GABBR2: variants seen among roughly 807,000 people sequenced by gnomAD.
GABBR2 encodes the protein G-protein coupled receptor 51.
Under a neutral mutation model 105.6 loss-of-function variants are expected in GABBR2, and 23 were observed. The observed-to-expected ratio is 0.22, with a 90% CI of 0.16 to 0.31. The LOEUF (loss-of-function observed/expected upper bound fraction) is 0.31. Among genes scored for constraint, GABBR2 ranks in the 10% least tolerant of loss-of-function variants. GABBR2 has a pLI of 1.00. For synonymous variants in GABBR2, 478 were observed against 499.7 expected (o/e 0.96, Z 0.58); for missense variants, 734 against 1,245.5 (o/e 0.59, Z 6.18).
intron 2 of GABBR2, among the ~76,000 whole-genome samples, chr9:98,559,113 GTTTA>G (rs1446124774): frequency 6.6e-6 from 1 of 151,892 alleles, no homozygotes; most frequent in Non-Finnish European, 1.5e-5. Flanking sequence ...GTAATTATAT[GTTTA>G]ATTAACTAAT....
chr9:98,639,592 G>A (rs73504537), intron 1 of GABBR2, among the ~76,000 whole-genome samples: 13,680 of 144,568 alleles, frequency 0.095, 959 homozygotes, highest in African/African-American at 0.2. Flanking sequence ...TCTCACACAC[G>A]CATAGACAAA....
At chr9:98,522,232 GA>G (rs1792925028) in intron 3 of GABBR2, among the ~76,000 whole-genome samples, 1 of 151,890 alleles carries the variant, frequency 6.6e-6, no homozygotes, top group Non-Finnish European at 1.5e-5. Context: ...AATGACCAGA[GA>G]GAAAACAAAA....
chr9:98,682,614 G>C (rs1830565187), intron 1 of GABBR2, among the ~76,000 whole-genome samples: 1 of 152,022 alleles, frequency 6.6e-6, no homozygotes, highest in Admixed American at 6.6e-5. Context: ...GACCTCAGGT[G>C]ATCCACCCAC....
chr9:98,487,843 C>T (rs1368818710), intron 4 of GABBR2, among the ~76,000 whole-genome samples: 1 of 152,020 alleles, frequency 6.6e-6, no homozygotes, highest in Admixed American at 6.5e-5. Context: ...CGTTATGTCA[C>T]GTGGTAAAGG....
intron 13 of GABBR2, among the ~76,000 whole-genome samples, chr9:98,350,231 C>G (rs1831374670): frequency 1.4e-5 from 2 of 147,454 alleles, no homozygotes; most frequent in Admixed American, 1.3e-4. Context: ...ATTTTTTTAG[C>G]CTCTATTTCA....
chr9:98,475,411 T>C (rs1433351694), intron 5 of GABBR2, among the ~76,000 whole-genome samples: 1 of 152,082 alleles, frequency 6.6e-6, no homozygotes, highest in Admixed American at 6.5e-5. Flanking sequence ...GACTAGACTT[T>C]TGAATAAAAG....
intron 15 of GABBR2, among the ~76,000 whole-genome samples, chr9:98,303,903 A>G (rs1389916474): frequency 1.3e-5 from 2 of 152,228 alleles, no homozygotes; most frequent in East Asian, 3.8e-4. Context: ...AGCAGCTTAA[A>G]ACAACACATG....
At chr9:98,405,189 C>T (rs1832468339) in intron 8 of GABBR2, among the ~76,000 whole-genome samples, 1 of 152,070 alleles carries the variant, frequency 6.6e-6, no homozygotes, top group African/African-American at 2.4e-5. Flanking sequence ...ATTGAAACTG[C>T]CTATTGGGCA....
chr9:98,631,587 TG>T (rs1354117767), intron 1 of GABBR2, among the ~76,000 whole-genome samples: 1 of 152,248 alleles, frequency 6.6e-6, no homozygotes, highest in Non-Finnish European at 1.5e-5. Context: ...GACAATACTA[TG>T]ATTCATACTT....
chr9:98,649,726 A>G (rs966175271), intron 1 of GABBR2, among the ~76,000 whole-genome samples: 3 of 152,226 alleles, frequency 2.0e-5, no homozygotes, highest in Admixed American at 2.0e-4. Context: ...AAATAGGTAT[A>G]ATGAATGGTA....
rs944442180 is a variant in GABBR2, at chr9:98,454,902, A to C, written c.1000-685T>G. ...CAAGAACTGGGGCAAGAGGCTCCCT[A>C]GACCCTGGAAGTGGCTCCAGCTTAT... On this transcript the variant is annotated intron_variant, in intron 6 of 18. Coordinates refer to ENST00000259455, the MANE Select transcript of GABBR2 (RefSeq NM_005458.8). This position sits in a 1 kb window ranked among gnomAD's most constrained non-coding sequence, Gnocchi z 4.6. Among the ~76,000 whole-genome samples the C allele has an allele frequency of 2.6e-5, 4 of 152,146 alleles. No individual in the cohort carries two copies. The highest frequency in any genetic ancestry group is 9.7e-5 in the African/African-American group (4 of 41,428).
At chr9:98,294,267 C>A (rs1830346728) in intron 17 of GABBR2, among the ~76,000 whole-genome samples, 1 of 152,092 alleles carries the variant, frequency 6.6e-6, no homozygotes, top group Non-Finnish European at 1.5e-5. Context: ...AAGAAAAAAC[C>A]TCCAAGGTAT....
rs764167824 is a variant in GABBR2 at position 98,293,777 on chromosome 9, G to A, written c.2660+8C>T. ...TTCAGTTATAATTCTCAAGGAGAAG[G>A]TACTTACTGTTCTGGAGAGTTTATA... On this transcript the variant is annotated splice_region_variant and intron_variant, in intron 18 of 18. Transcript: ENST00000259455. 2 of 1,373,102 alleles carry A rather than the reference G, an allele frequency of 1.5e-6. No individual in the cohort carries two copies. Among genetic ancestry groups the A allele is most frequent in the Admixed American group, 1.7e-5 (1 of 58,606 alleles). 85.1% of individuals were successfully genotyped at this position (1,373,102 alleles called of 1,614,324 possible).
intron 16 of GABBR2, chr9:98,302,982 T>G: frequency 2.2e-6 from 1 of 449,354 alleles, no homozygotes; most frequent in East Asian, 3.5e-5. Flanking sequence ...CTGAGTTCCT[T>G]TCTGTCTGGG....
At chr9:98,661,342 C>T (rs1342035673) in intron 1 of GABBR2, among the ~76,000 whole-genome samples, 1 of 152,170 alleles carries the variant, frequency 6.6e-6, no homozygotes, top group Non-Finnish European at 1.5e-5. Flanking sequence ...CTTTGCGCCT[C>T]GTGCCTTGGA....
At chr9:98,518,754 G>A (rs1156291937) in intron 3 of GABBR2, among the ~76,000 whole-genome samples, 2 of 152,196 alleles carry the variant, frequency 1.3e-5, no homozygotes, top group Non-Finnish European at 2.9e-5. Flanking sequence ...TGTATGGAGA[G>A]GATCTAAACT....
chr9:98,607,556 C>T (rs1383774890), intron 1 of GABBR2: 3 of 647,894 alleles, frequency 4.6e-6, no homozygotes, highest in Non-Finnish European at 8.3e-6. Flanking sequence ...GACCATTTAC[C>T]TGTTGGTGTG....
At chr9:98,576,301 C>T (rs890542266) in intron 2 of GABBR2, among the ~76,000 whole-genome samples, 20 of 152,212 alleles carry the variant, frequency 1.3e-4, no homozygotes, top group Admixed American at 1.1e-3. Context: ...TTCTGTTCCA[C>T]GAATACACCA....
At chr9:98,631,004 C>T (rs530161293) in intron 1 of GABBR2, among the ~76,000 whole-genome samples, 3 of 152,276 alleles carry the variant, frequency 2.0e-5, no homozygotes, top group Admixed American at 1.3e-4. Context: ...AGATAGAGAA[C>T]GGTGCCATTA....
Sources: gnomAD v4.1 joint callset for allele counts (sites outside exome capture counted in the v4.1 genomes callset) on GRCh38, gnomAD v4.1.1 for gene constraint, Gnocchi (gnomAD v3.1) non-coding constraint, MANE v1.5 for transcripts, NCBI Gene and HGNC (gene_info 2026-07-23, HGNC 2026-07-21) for gene names.